The following PDE4B variants were observed in gnomAD, a reference collection of about 807,000 sequenced individuals.
PDE4B encodes the protein phosphodiesterase 4B.
Under a neutral mutation model 82.2 loss-of-function variants are expected in PDE4B, and 20 were observed. The ratio of observed to expected loss-of-function variants is 0.24; its 90% CI spans 0.17 to 0.35. The LOEUF (loss-of-function observed/expected upper bound fraction) is 0.35. Ranked by LOEUF, PDE4B falls within the 10% of genes least tolerant of loss-of-function variation. The pLI is 1.00. For missense variants in PDE4B, 655 were observed against 907.2 expected (o/e 0.72, Z 3.57); for synonymous variants, 320 against 318.9 (o/e 1.00, Z -0.04).
chr1:66,104,649 T>C (rs1180503031), intron 3 of PDE4B, among the ~76,000 whole-genome samples: 2 of 149,040 alleles, frequency 1.3e-5, no homozygotes, highest in Non-Finnish European at 3.0e-5. Context: ...TGTGAGATGG[T>C]ATCTCATTGT....
At chr1:66,153,249 T>C (rs1207633586) in intron 3 of PDE4B, among the ~76,000 whole-genome samples, 1 of 152,188 alleles carries the variant, frequency 6.6e-6, no homozygotes, top group Non-Finnish European at 1.5e-5. Flanking sequence ...CTCCTCCCAG[T>C]GTCCAACCCA....
chr1:65,997,462 A>C (rs537172098), intron 3 of PDE4B, among the ~76,000 whole-genome samples: 1 of 152,252 alleles, frequency 6.6e-6, no homozygotes, highest in South Asian at 2.1e-4. Context: ...ACAACACTGG[A>C]TTAAGTGGAG....
chr1:66,230,865 G>A (rs1651891882), intron 3 of PDE4B, among the ~76,000 whole-genome samples: 1 of 152,060 alleles, frequency 6.6e-6, no homozygotes. Flanking sequence ...GGCCAACATG[G>A]TGAAACCCTG....
At chr1:65,854,486 A>C (rs1646369986) in intron 1 of PDE4B, among the ~76,000 whole-genome samples, 1 of 150,770 alleles carries the variant, frequency 6.6e-6, no homozygotes, top group Non-Finnish European at 1.5e-5. Flanking sequence ...TTTTGCTCTC[A>C]TTTAAAAAAT....
At chr1:66,117,786 C>T (rs1645626727) in intron 3 of PDE4B, among the ~76,000 whole-genome samples, 1 of 152,002 alleles carries the variant, frequency 6.6e-6, no homozygotes, top group Admixed American at 6.6e-5. Flanking sequence ...TTCTATATGT[C>T]ATTATTACTT....
chr1:66,372,914 G>A lies in PDE4B; in HGVS notation c.*236G>A. ...GGAGAGGGCTGAAGCTGTTGCTGGG[G>A]GCCGATTCTGATCAAGACACATGGC... On this transcript the variant is annotated 3_prime_UTR_variant, in exon 17 of 17. Coordinates refer to ENST00000341517, the MANE Select transcript of PDE4B (RefSeq NM_002600.4). 4.1e-6 allele frequency: 2 copies of A among 489,660 alleles called. No homozygotes were observed. Among genetic ancestry groups the A allele is most frequent in the South Asian group, 6.3e-5 (2 of 31,788 alleles). The allele number at this position is 489,660 out of a possible 1,614,324, so 30.3% of individuals were successfully genotyped here.
In PDE4B at chr1:66,356,784, G is replaced by A. The variant is rs545478937; in HGVS notation, c.841+1164G>A. ...ACTCTGCAGTGGATGGTCACCAGAC[G>A]TGATTAACAAGTGCCTTTCTAACAG... On this transcript the variant is annotated intron_variant, in intron 9 of 16. Transcript: ENST00000341517. Among the ~76,000 whole-genome samples the A allele has an allele frequency of 2.1e-3, 325 of 152,326 alleles. 1 individual carries two copies. The highest frequency in any genetic ancestry group is 4.0e-3 in the Non-Finnish European group (274 of 68,034).
At chr1:65,839,932 T>G (rs1646187718) in intron 1 of PDE4B, among the ~76,000 whole-genome samples, 1 of 152,196 alleles carries the variant, frequency 6.6e-6, no homozygotes, top group Non-Finnish European at 1.5e-5. Context: ...CTCCAGCATC[T>G]GTTGTTTCCT....
intron 7 of PDE4B, among the ~76,000 whole-genome samples, chr1:66,289,722 A>T (rs183397912): frequency 0.012 from 1,636 of 139,266 alleles, 20 homozygotes; most frequent in Admixed American, 0.029. Flanking sequence ...ATATATATAT[A>T]TTTTTAAAAA....
intron 3 of PDE4B, among the ~76,000 whole-genome samples, chr1:66,060,630 T>C (rs1313847837): frequency 6.6e-6 from 1 of 152,212 alleles, no homozygotes; most frequent in Non-Finnish European, 1.5e-5. Flanking sequence ...AAGTAAGATA[T>C]ATTGTTGAAG....
intron 16 of PDE4B, among the ~76,000 whole-genome samples, chr1:66,372,058 A>G (rs1273229537): frequency 6.6e-6 from 1 of 152,220 alleles, no homozygotes; most frequent in Non-Finnish European, 1.5e-5. Context: ...CTGACAAGAT[A>G]TTTAATCTCA....
At chr1:65,801,367 C>G (rs1645693363) in intron 1 of PDE4B, among the ~76,000 whole-genome samples, 1 of 152,186 alleles carries the variant, frequency 6.6e-6, no homozygotes, top group Non-Finnish European at 1.5e-5. Flanking sequence ...TTATTTGTTA[C>G]TTCCAGCAAA....
rs1412182198 is a variant in PDE4B at position 66,048,835 on chromosome 1, A to T, written c.281+130000A>T. The T allele has an allele frequency of 2.0e-5, 3 of 152,018 alleles. No homozygotes were observed. The East Asian group carries it at 5.8e-4, about 29-fold the overall frequency. 9.4% of individuals were successfully genotyped at this position (152,018 alleles called of 1,614,324 possible). Reference sequence around the variant, plus strand: ...CCTTTTCACTGATAGGTCAGAGGACACACAAGAAGTCCACTCTTAACATAT... The same window carrying T: ...CCTTTTCACTGATAGGTCAGAGGACTCACAAGAAGTCCACTCTTAACATAT... On this transcript the variant is annotated intron_variant, in intron 3 of 16. Transcript: ENST00000341517.
chr1:66,138,256 C>T (rs758058011), intron 3 of PDE4B, among the ~76,000 whole-genome samples: 19 of 152,188 alleles, frequency 1.2e-4, no homozygotes, highest in Non-Finnish European at 2.1e-4. Flanking sequence ...CTGTGGGTCA[C>T]GCCTGTAATC....
At chr1:66,116,576 C>G (rs1156729453) in intron 3 of PDE4B, among the ~76,000 whole-genome samples, 1 of 152,086 alleles carries the variant, frequency 6.6e-6, no homozygotes, top group African/African-American at 2.4e-5. Context: ...CCCAGCCCAC[C>G]ACCCCATGCA....
chr1:66,176,997 A>G (rs1432008210), intron 3 of PDE4B, among the ~76,000 whole-genome samples: 1 of 152,202 alleles, frequency 6.6e-6, no homozygotes, highest in Admixed American at 6.5e-5. Flanking sequence ...TCTGCCAATA[A>G]GAAGACAATC....
At chr1:66,266,567 A>G (rs1344343610) in intron 7 of PDE4B, 4 of 388,928 alleles carry the variant, frequency 1.0e-5, no homozygotes, top group South Asian at 8.0e-5. Flanking sequence ...GGCTCTTTCC[A>G]GGTCACGAAT....
At chr1:66,201,073 C>G (rs1476697785) in intron 3 of PDE4B, among the ~76,000 whole-genome samples, 5 of 152,170 alleles carry the variant, frequency 3.3e-5, no homozygotes, top group Non-Finnish European at 5.9e-5. Flanking sequence ...TGAATTTTGT[C>G]AAAGGCCTTT....
At chr1:66,004,818 A>T (rs1418318653) in intron 3 of PDE4B, among the ~76,000 whole-genome samples, 4 of 152,154 alleles carry the variant, frequency 2.6e-5, no homozygotes, top group African/African-American at 9.6e-5. Flanking sequence ...ACCACCACTT[A>T]CAAACTGTTT....
Sources: allele counts gnomAD v4.1 joint callset (sites outside exome capture counted in the v4.1 genomes callset), GRCh38; gene constraint gnomAD v4.1.1; transcripts MANE v1.5; gene names NCBI Gene and HGNC (gene_info 2026-07-23, HGNC 2026-07-21).